ZSWIM4: variants seen among roughly 807,000 people sequenced by gnomAD.
ZSWIM4 encodes the protein zinc finger SWIM domain-containing protein 4.
A neutral mutation model predicts 102.5 loss-of-function variants in ZSWIM4; 62 were observed. The observed-to-expected ratio is 0.60, with a 90% CI of 0.49 to 0.75. The LOEUF (loss-of-function observed/expected upper bound fraction) is 0.75, where lower values mean the gene tolerates loss of function less well. ZSWIM4 is among the 30% of genes least tolerant of loss of function. The pLI, the probability that ZSWIM4 is intolerant of heterozygous loss-of-function variation, is 0.00. For missense variants in ZSWIM4, 1,280 were observed against 1,529.6 expected (o/e 0.84, Z 2.72); for synonymous variants, 652 against 674.5 (o/e 0.97, Z 0.52).
chr19:13,826,654 A>G (rs1400030994), intron 12 of ZSWIM4, among the ~76,000 whole-genome samples: 1 of 151,998 alleles, frequency 6.6e-6, no homozygotes, highest in African/African-American at 2.4e-5. Context: ...AATCCCAGCT[A>G]CTCGGGAGGT....
chr19:13,824,125 G>A (rs1465250129), intron 11 of ZSWIM4, among the ~76,000 whole-genome samples: 2 of 151,720 alleles, frequency 1.3e-5, no homozygotes, highest in Non-Finnish European at 2.9e-5. Context: ...GGAGAGAGAG[G>A]AGTCAGGTGC....
chr19:13,827,466 G>A (rs191780681), intron 12 of ZSWIM4, among the ~76,000 whole-genome samples: 3 of 151,250 alleles, frequency 2.0e-5, no homozygotes, highest in East Asian at 1.9e-4. Context: ...GGTGGTGGAC[G>A]CGTGTAGTCC....
chr19:13,814,858 G>C lies in ZSWIM4; in HGVS notation c.1524G>C (p.Gln508His). 1.6e-6 allele frequency: 2 copies of C among 1,246,898 alleles called. No individual in the cohort carries two copies. Among genetic ancestry groups the C allele is most frequent in the Non-Finnish European group, 2.1e-6 (2 of 957,882 alleles). 77.2% of individuals were successfully genotyped at this position (1,246,898 alleles called of 1,614,324 possible). The change falls in exon 7 of 14, where the codon CAG (glutamine) becomes CAC (histidine). Residue 508 changes from glutamine (Q) to histidine (H), a missense_variant. Physicochemically the swap from Gln to His is conservative, Grantham distance 24 (BLOSUM62 0). Transcript: ENST00000590508. Reference sequence around the variant, plus strand: ...ATCAGCTAGAGAGCTACAAGCAGCAGAAAAAAGGTCAGCCTCAGCCGGGCA... The same window carrying C: ...ATCAGCTAGAGAGCTACAAGCAGCACAAAAAAGGTCAGCCTCAGCCGGGCA... ...QRHQLESYKQ[Q>H]KKELLQKGST...
intron 12 of ZSWIM4, among the ~76,000 whole-genome samples, chr19:13,827,430 G>A (rs1166591212): frequency 1.3e-5 from 2 of 151,122 alleles, no homozygotes; most frequent in African/African-American, 2.4e-5. Context: ...GCAAAAACCC[G>A]TCTCTCCCAA....
In ZSWIM4 at chr19:13,818,279, T is replaced by A. The variant is rs1599605848; in HGVS notation, c.1924+303T>A. Among the ~76,000 whole-genome samples the A allele has an allele frequency of 2.6e-5, 4 of 152,212 alleles. No individual in the cohort carries two copies. The South Asian group carries it at 8.3e-4, about 32-fold the overall frequency. On this transcript the variant is annotated intron_variant, in intron 9 of 13. Coordinates refer to ENST00000590508, the MANE Select transcript of ZSWIM4 (RefSeq NM_001367834.3). ...TTAAAGCGAGGGCGTCCCACCTTCATCCGCAACTTAGACACCGCCCCTGTC... is the reference window on the plus strand; with the variant it reads ...TTAAAGCGAGGGCGTCCCACCTTCAACCGCAACTTAGACACCGCCCCTGTC...
chr19:13,804,802 G>A lies in ZSWIM4; in HGVS notation c.366G>A (p.Leu122=), dbSNP rs1471154977. 3 of 1,585,644 alleles carry A rather than the reference G, an allele frequency of 1.9e-6. No homozygotes were observed. Among genetic ancestry groups the A allele is most frequent in the Non-Finnish European group, 2.6e-6 (3 of 1,163,366 alleles). The change falls in exon 3 of 14, where the codon CTG becomes CTA. Residue 122 remains leucine (L), a synonymous_variant. Transcript: ENST00000590508. ...TGGCTTTGATCCTAGGATTCCACCT[G>A]AGCGGAAACATCCGCGAGCCAGGGA... is the stretch of plus-strand genomic sequence containing the variant. ...VDRVLQVGFH[L]SGNIREPGSP...
rs1975401715 is a variant in ZSWIM4 at position 13,819,491 on chromosome 19, A to G, written c.2059A>G (p.Arg687Gly). The change falls in exon 10 of 14, where the codon AGG becomes GGG. Residue 687 changes from arginine (R) to glycine (G), a missense_variant and splice_region_variant. Physicochemically the swap from Arg to Gly is moderately radical, Grantham distance 125 (BLOSUM62 -2). Transcript: ENST00000590508. The part of the protein sequence containing the change: ...LAYRLALRAM[R>G]LPILETAFPA... ...CTATCGCCTCGCGCTGCGAGCTATG[A>G]GGTGAGGATAGGTGGCCAAGGCAGT... 1 of 1,506,570 alleles carries G rather than the reference A, an allele frequency of 6.6e-7. No individual in the cohort carries two copies. Among genetic ancestry groups the G allele is most frequent in the Non-Finnish European group, 9.0e-7 (1 of 1,116,088 alleles). The allele number at this position is 1,506,570 out of a possible 1,614,324, so 93.3% of individuals were successfully genotyped here.
chr19:13,798,769 C>T (rs1974675931), intron 1 of ZSWIM4, among the ~76,000 whole-genome samples: 1 of 152,136 alleles, frequency 6.6e-6, no homozygotes, highest in Non-Finnish European at 1.5e-5. Context: ...GGATTCAAGC[C>T]TCGGTTTCTC....
At chr19:13,827,865 C>T (rs960850356) in intron 12 of ZSWIM4, among the ~76,000 whole-genome samples, 2 of 152,004 alleles carry the variant, frequency 1.3e-5, no homozygotes, top group East Asian at 3.9e-4. Context: ...GAAGGTGGGG[C>T]TTATACAGCA....
intron 6 of ZSWIM4, among the ~76,000 whole-genome samples, chr19:13,813,948 G>A (rs1975187733): frequency 6.7e-6 from 1 of 148,324 alleles, no homozygotes. Context: ...AAGAAAGAAA[G>A]AAAAGAAAAA....
intron 1 of ZSWIM4, among the ~76,000 whole-genome samples, chr19:13,797,503 T>C (rs574921005): frequency 6.6e-6 from 1 of 152,328 alleles, no homozygotes; most frequent in South Asian, 2.1e-4. Flanking sequence ...GTTCATGATT[T>C]AGTATCAATG....
intron 5 of ZSWIM4, among the ~76,000 whole-genome samples, chr19:13,811,221 T>C (rs1446431244): frequency 6.6e-6 from 1 of 152,040 alleles, no homozygotes; most frequent in Non-Finnish European, 1.5e-5. Context: ...CAACATGTGT[T>C]TTCTGTAAGA....
At chr19:13,802,982 G>C (rs772302880) in intron 2 of ZSWIM4, among the ~76,000 whole-genome samples, 1 of 152,202 alleles carries the variant, frequency 6.6e-6, no homozygotes, top group African/African-American at 2.4e-5. Context: ...ATAGTGGAAA[G>C]GCCTTGGATC....
In ZSWIM4 at chr19:13,812,853, A is replaced by G. The variant is rs1975143634; in HGVS notation, c.1013-144A>G. 1.0e-5 allele frequency: 8 copies of G among 782,650 alleles called. No homozygotes were observed. In the South Asian group the frequency reaches 1.4e-4, roughly 14 times the overall value. 48.5% of individuals were successfully genotyped at this position (782,650 alleles called of 1,614,324 possible). Reference sequence around the variant, plus strand: ...TCTGTGCCTCAGTTTGCTTGTCTGTAAGGTGCAAAGGCTGCGAGTTGCAAC... The same window carrying G: ...TCTGTGCCTCAGTTTGCTTGTCTGTGAGGTGCAAAGGCTGCGAGTTGCAAC... On this transcript the variant is annotated intron_variant, in intron 5 of 13. Coordinates refer to ENST00000590508, the MANE Select transcript of ZSWIM4 (RefSeq NM_001367834.3).
chr19:13,798,115 A>T (rs899948765), intron 1 of ZSWIM4, among the ~76,000 whole-genome samples: 5 of 152,188 alleles, frequency 3.3e-5, no homozygotes, highest in Non-Finnish European at 7.3e-5. Flanking sequence ...TAGTGTGTGC[A>T]TTCTTTTCTT....
chr19:13,802,269 C>T, intron 2 of ZSWIM4, among the ~76,000 whole-genome samples: 1 of 139,656 alleles, frequency 7.2e-6, no homozygotes, highest in African/African-American at 3.0e-5. Flanking sequence ...AGCCACCACG[C>T]CTGGCCAAAT....
intron 10 of ZSWIM4, among the ~76,000 whole-genome samples, chr19:13,821,032 C>T (rs938399246): frequency 6.6e-6 from 1 of 152,106 alleles, no homozygotes; most frequent in Non-Finnish European, 1.5e-5. Flanking sequence ...GCCTGTAATC[C>T]CAGCACTTTG....
chr19:13,812,903 A>G lies in ZSWIM4; in HGVS notation c.1013-94A>G, dbSNP rs112954966. On this transcript the variant is annotated intron_variant, in intron 5 of 13. Transcript: ENST00000590508. ...CTTCCGAGGGTCGAGGTGAGGGGTTAGCAGATCATCAGGTGGCACACAGTG... is the reference window on the plus strand; with the variant it reads ...CTTCCGAGGGTCGAGGTGAGGGGTTGGCAGATCATCAGGTGGCACACAGTG... 4,984 of 1,372,320 alleles carry G rather than the reference A, an allele frequency of 3.6e-3. 153 individuals are homozygous for G. In the African/African-American group the frequency reaches 0.065, roughly 18 times the overall value. The allele number at this position is 1,372,320 out of a possible 1,614,324, so 85.0% of individuals were successfully genotyped here. A position where few individuals can be genotyped will look rare whatever the true frequency, so the allele number is the denominator to read the frequency against.
At position 13,830,731 on chromosome 19, in the gene ZSWIM4, G is replaced by A. The variant is rs571371851; in HGVS notation, c.3002G>A (p.Arg1001His). 67 of 1,608,118 alleles carry A rather than the reference G, an allele frequency of 4.2e-5. No individual in the cohort carries two copies. Among genetic ancestry groups the A allele is most frequent in the Admixed American group, 5.0e-5 (3 of 59,784 alleles). The change falls in exon 14 of 14, where the codon CGC (arginine) becomes CAC (histidine). Residue 1001 changes from arginine (R) to histidine (H), a missense_variant. Transcript: ENST00000590508. ...HCAPMLSDIL[R>H]RWTLSAPGLG... ...GCCCCAATGCTGTCCGATATTCTGC[G>A]CCGCTGGACTCTCTCGGCGCCCGGT... is the stretch of plus-strand genomic sequence containing the variant.
Sources: allele counts gnomAD v4.1 joint callset (sites outside exome capture counted in the v4.1 genomes callset), GRCh38; gene constraint gnomAD v4.1.1; transcripts MANE v1.5; gene names NCBI Gene and HGNC (gene_info 2026-07-23, HGNC 2026-07-21).